Variants in CD300A observed in about 807,000 individuals in gnomAD.
The protein encoded by CD300A is CD300a molecule, also known as CMRF35-like molecule 8.
In CD300A, 22 loss-of-function variants were observed where a neutral mutation model predicts 33.6. The ratio of observed to expected loss-of-function variants is 0.66; its 90% CI spans 0.47 to 0.94. CD300A has a LOEUF of 0.94. Ranked by LOEUF, CD300A falls within the 40% of genes least tolerant of loss-of-function variation. The pLI, the probability that CD300A is intolerant of heterozygous loss-of-function variation, is 0.00. For missense variants in CD300A, 326 were observed against 360.5 expected (o/e 0.90, Z 0.77); for synonymous variants, 136 against 148.1 (o/e 0.92, Z 0.59).
rs540583265 is a variant in CD300A at position 74,481,535 on chromosome 17, G to A, written c.667-191G>A. On this transcript the variant is annotated intron_variant, in intron 5 of 6. Transcript: ENST00000360141. ...CCCTCCCCACCAAGGCAAATGGAATGAAGGGAGGCCCTCCCAGCCAAGCTG... is the reference window on the plus strand; with the variant it reads ...CCCTCCCCACCAAGGCAAATGGAATAAAGGGAGGCCCTCCCAGCCAAGCTG... The A allele has an allele frequency of 7.7e-6, 5 of 653,518 alleles. No individual in the cohort carries two copies. The East Asian group carries it at 1.4e-4, about 18-fold the overall frequency. 40.5% of individuals were successfully genotyped at this position (653,518 alleles called of 1,614,324 possible). A position where few individuals can be genotyped will look rare whatever the true frequency, so the allele number is the denominator to read the frequency against.
chr17:74,475,642 C>T (rs1407205313), intron 3 of CD300A, among the ~76,000 whole-genome samples: 1 of 152,154 alleles, frequency 6.6e-6, no homozygotes, highest in Non-Finnish European at 1.5e-5. Context: ...TATTCTAGCA[C>T]AAAACCCCAC....
At chr17:74,481,855 T>G in intron 6 of CD300A, 22 bp downstream of exon 6, 1 of 1,572,906 alleles carries the variant, frequency 6.4e-7, no homozygotes, top group African/African-American at 1.3e-5. Flanking sequence ...AGCCCGGCTT[T>G]TGGGCATGCG....
rs756135450 is a variant in CD300A at position 74,481,885 on chromosome 17, G to A, written c.774+52G>A. 39 of 1,407,184 alleles carry A rather than the reference G, an allele frequency of 2.8e-5. No individual in the cohort carries two copies. The East Asian group carries it at 8.3e-4, about 30-fold the overall frequency. The allele number at this position is 1,407,184 out of a possible 1,614,324, so 87.2% of individuals were successfully genotyped here. On this transcript the variant is annotated intron_variant, in intron 6 of 6. Transcript: ENST00000360141. ...CATGCGGCCCCTGGGCTGTGCCAGGGCACCCCTGGGAGGGTGGGCAGAAGG... is the reference window on the plus strand; with the variant it reads ...CATGCGGCCCCTGGGCTGTGCCAGGACACCCCTGGGAGGGTGGGCAGAAGG...
intron 5 of CD300A, 113 bp downstream of exon 5, chr17:74,481,439 A>G (rs1906840701): frequency 1.0e-6 from 1 of 971,794 alleles, no homozygotes; most frequent in Admixed American, 1.9e-5. Flanking sequence ...CGGGGAGCTC[A>G]CCCAGAGCAG....
In CD300A at chr17:74,477,382, G is replaced by A. The variant is rs1906536441; in HGVS notation, c.534-54G>A. The stretch of plus-strand genomic sequence containing the variant: ...AAAAATAAAAAATAAAAATAAAAAA[G>A]TAAGTTGGAGAAGGCAAGTTGGCCC... On this transcript the variant is annotated intron_variant, in intron 3 of 6. Coordinates refer to ENST00000360141, the MANE Select transcript of CD300A (RefSeq NM_007261.4). The A allele has an allele frequency of 4.3e-6, 5 of 1,157,194 alleles. No homozygotes were observed. The South Asian group carries it at 5.4e-5, about 12-fold the overall frequency. 71.7% of individuals were successfully genotyped at this position (1,157,194 alleles called of 1,614,324 possible).
intron 1 of CD300A, among the ~76,000 whole-genome samples, chr17:74,471,550 C>G (rs949677154): frequency 6.6e-6 from 1 of 152,212 alleles, no homozygotes; most frequent in South Asian, 2.1e-4. Context: ...GAGAGGTTAA[C>G]TAACTTGCCC....
intron 4 of CD300A, 96 bp downstream of exon 4, chr17:74,477,626 T>G (rs1240915913): frequency 2.6e-6 from 2 of 764,250 alleles, no homozygotes; most frequent in Non-Finnish European, 2.2e-6. Flanking sequence ...TCCCACAGTA[T>G]TGCTATGACA....
intron 1 of CD300A, chr17:74,470,110 G>A: frequency 1.0e-6 from 1 of 985,380 alleles, no homozygotes; most frequent in Non-Finnish European, 1.2e-6. Context: ...TCCTGGTAGA[G>A]GACCCTGGCC....
Position 74,481,803 on chromosome 17 carries a change from A to G in CD300A, c.744A>G (p.Pro248=). The part of the protein sequence containing the change: ...MWPLQEKPAP[P]REVEVEYSTV... ...CTCTGCAGGAAAAGCCAGCACCACC[A>G]AGGGAGGTGGAGGTGGAATACAGCA... The change falls in exon 6 of 7, where the codon CCA becomes CCG. Residue 248 remains proline (P), a synonymous_variant. Coordinates refer to ENST00000360141, the MANE Select transcript of CD300A (RefSeq NM_007261.4). The G allele has an allele frequency of 6.2e-7, 1 of 1,612,388 alleles. No individual in the cohort carries two copies. The highest frequency in any genetic ancestry group is 1.3e-5 in the African/African-American group (1 of 75,016).
chr17:74,467,072 G>A, intron 1 of CD300A: 1 of 1,149,686 alleles, frequency 8.7e-7, no homozygotes, highest in Non-Finnish European at 1.1e-6. Context: ...ATGTGTCAGG[G>A]TGGGTGGAGA....
rs1478742515 is a variant in CD300A, at chr17:74,481,771, A to T, written c.712A>T (p.Met238Leu). Residue 238 changes from methionine to leucine, a missense_variant, in exon 6 of 7, where the codon ATG becomes TTG. Met to Leu is a conservative substitution (Grantham distance 15). Transcript: ENST00000360141. ...ELHYANLELL[M>L]WPLQEKPAPP... ...GCACTACGCAAATCTGGAGCTGCTGATGTGGCCTCTGCAGGAAAAGCCAGC... is the reference window on the plus strand; with the variant it reads ...GCACTACGCAAATCTGGAGCTGCTGTTGTGGCCTCTGCAGGAAAAGCCAGC... 4 of 1,613,064 alleles carry T rather than the reference A, an allele frequency of 2.5e-6. No homozygotes were observed. Among genetic ancestry groups the T allele is most frequent in the East Asian group, 2.2e-5 (1 of 44,842 alleles).
chr17:74,476,913 C>T lies in CD300A; in HGVS notation c.534-523C>T, dbSNP rs182334302. Among the ~76,000 whole-genome samples the T allele has an allele frequency of 1.4e-3, 207 of 151,918 alleles. 2 individuals carry two copies. The highest frequency in any genetic ancestry group is 2.0e-3 in the Non-Finnish European group (133 of 68,012). ...AAAGAGAAAGGAGATCCCGTACATT[C>T]GTATTTGCTTGTATACACATAAAGA... On this transcript the variant is annotated intron_variant, in intron 3 of 6. Transcript: ENST00000360141.
chr17:74,477,417 C>A lies in CD300A; in HGVS notation c.534-19C>A, dbSNP rs1256486629. 6 of 1,597,364 alleles carry A rather than the reference C, an allele frequency of 3.8e-6. No homozygotes were observed. The highest frequency in any genetic ancestry group is 5.1e-6 in the Non-Finnish European group (6 of 1,166,276). On this transcript the variant is annotated intron_variant, in intron 3 of 6. Coordinates refer to ENST00000360141, the MANE Select transcript of CD300A (RefSeq NM_007261.4). The stretch of plus-strand genomic sequence containing the variant: ...GAAGGCAAGTTGGCCCCGCCCTTAC[C>A]ATCCTGTGCCTCCTCCAGGCTCCCG...
intron 3 of CD300A, 134 bp from the exon 4 acceptor site, chr17:74,477,302 T>G (rs904803078): frequency 1.7e-6 from 1 of 578,798 alleles, no homozygotes; most frequent in Non-Finnish European, 3.0e-6. Flanking sequence ...CAGTGAGCCA[T>G]GATCACCACT....
chr17:74,478,750 G>T (rs1906644032), intron 4 of CD300A, among the ~76,000 whole-genome samples: 1 of 152,202 alleles, frequency 6.6e-6, no homozygotes, highest in South Asian at 2.1e-4. Flanking sequence ...TCCCATAGCT[G>T]CAGGATAAGC....
intron 3 of CD300A, 118 bp from the exon 4 acceptor site, chr17:74,477,318 C>G (rs1906531288): frequency 1.5e-6 from 1 of 664,408 alleles, no homozygotes; most frequent in South Asian, 2.0e-5. Context: ...CCACTGCACT[C>G]CAGCCTGGGT....
chr17:74,481,736 A>G lies in CD300A; in HGVS notation c.677A>G (p.Gln226Arg). The G allele has an allele frequency of 6.2e-7, 1 of 1,610,142 alleles. No homozygotes were observed. The highest frequency in any genetic ancestry group is 2.2e-5 in the East Asian group (1 of 44,784). Residue 226 changes from glutamine to arginine, a missense_variant, in exon 6 of 7, where the codon CAG (glutamine) becomes CGG (arginine). Gln to Arg is a conservative substitution (Grantham distance 43, BLOSUM62 1). Coordinates refer to ENST00000360141, the MANE Select transcript of CD300A (RefSeq NM_007261.4). Reference sequence around the variant, plus strand: ...CTCCTGCCCACCCAGGCTGCCACGCAGAGTGAGCTGCACTACGCAAATCTG... The same window carrying G: ...CTCCTGCCCACCCAGGCTGCCACGCGGAGTGAGCTGCACTACGCAAATCTG... ...LSQNPKQAATQSELHYANLEL... is the reference protein window; with the variant it reads ...LSQNPKQAATRSELHYANLEL...
In CD300A at chr17:74,481,230, G is replaced by T. The variant is rs1906819634; in HGVS notation, c.629-59G>T. On this transcript the variant is annotated intron_variant, in intron 4 of 6. Coordinates refer to ENST00000360141, the MANE Select transcript of CD300A (RefSeq NM_007261.4). ...GGCCTTTTCCCAGAAGGCTTGTAAG[G>T]TCCTCCATCCTGGCCATTGTTCCGG... The T allele has an allele frequency of 1.9e-6, 3 of 1,549,036 alleles. No homozygotes were observed. The Admixed American group carries it at 5.0e-5, about 26-fold the overall frequency.
chr17:74,474,849 T>C (rs999298422), intron 3 of CD300A, among the ~76,000 whole-genome samples, 164 bp downstream of exon 3: 1 of 137,558 alleles, frequency 7.3e-6, no homozygotes, highest in Non-Finnish European at 1.6e-5. Context: ...GGACCTGCCC[T>C]TGGCTTTGGA....
Sources: gnomAD v4.1 joint callset for allele counts (sites outside exome capture counted in the v4.1 genomes callset) on GRCh38, gnomAD v4.1.1 for gene constraint, MANE v1.5 for transcripts, NCBI Gene and HGNC (gene_info 2026-07-23, HGNC 2026-07-21) for gene names.